UQCRC2: variants seen among roughly 807,000 people sequenced by gnomAD.
The protein encoded by UQCRC2 is cytochrome b-c1 complex subunit 2, mitochondrial.
In UQCRC2, 49 loss-of-function variants were observed where a neutral mutation model predicts 55.6. The ratio of observed to expected loss-of-function variants is 0.88; its 90% confidence interval spans 0.70 to 1.12. The LOEUF is 1.12. Ranked by LOEUF, UQCRC2 falls within the 50% of genes most tolerant of loss-of-function variation. The pLI is 0.00. For missense variants in UQCRC2, 506 were observed against 547.8 expected, an observed-to-expected ratio of 0.92 and a Z score of 0.76; for synonymous variants, 193 against 192.0, an observed-to-expected ratio of 1.01 and a Z score of -0.04.
chr16:21,980,234 G>A, intron 12 of UQCRC2: 1 of 267,010 alleles, frequency 3.7e-6, no homozygotes, highest in Non-Finnish European at 7.3e-6. Flanking sequence ...AGAGGCCTTG[G>A]GAAGCATTAG....
intron 7 of UQCRC2, 24 bp downstream of exon 7, chr16:21,965,529 A>G: frequency 6.6e-7 from 1 of 1,516,082 alleles, no homozygotes. Flanking sequence ...ATATTTTGAA[A>G]TGTGCTTGTT....
chr16:21,980,894 C>T (rs1176842579), intron 13 of UQCRC2, among the ~76,000 whole-genome samples, 194 bp downstream of exon 13: 1 of 152,108 alleles, frequency 6.6e-6, no homozygotes, highest in East Asian at 1.9e-4. Context: ...GTATATGTAT[C>T]TTCCTCCTTC....
rs530659937 is a variant in UQCRC2 at position 21,983,208 on chromosome 16, C to T, written c.*37C>T. ...ACATTACAGGAGAGAGCTGAACGTT[C>T]TCTCAGCCCAGAGCAGCAAACACAT... On this transcript the variant is annotated 3_prime_UTR_variant, in exon 14 of 14. Coordinates refer to ENST00000268379, the MANE Select transcript of UQCRC2 (RefSeq NM_003366.4). 271 of 1,581,044 alleles carry T rather than the reference C, an allele frequency of 1.7e-4. 4 individuals carry two copies. The South Asian group carries it at 2.9e-3, about 17-fold the overall frequency.
At chr16:21,982,194 G>T (rs117005983) in intron 13 of UQCRC2, among the ~76,000 whole-genome samples, 3 of 151,820 alleles carry the variant, frequency 2.0e-5, no homozygotes, top group African/African-American at 7.3e-5. Context: ...CATTATGTGC[G>T]TCCCAACCCG....
chr16:21,982,963 C>CAAA (rs1036084484), intron 13 of UQCRC2, 125 bp from the exon 14 acceptor site: 170 of 537,346 alleles, frequency 3.2e-4, no homozygotes, highest in African/African-American at 7.8e-4. Context: ...GACTCCACCT[C>CAAA]AAAAAAAAAA....
chr16:21,971,414 T>C (rs1388058939), intron 8 of UQCRC2, 111 bp from the exon 9 acceptor site: 20 of 858,030 alleles, frequency 2.3e-5, no homozygotes, highest in East Asian at 2.6e-5. Flanking sequence ...CTCTTATTTA[T>C]TTTGTAGTGT....
intron 8 of UQCRC2, among the ~76,000 whole-genome samples, chr16:21,970,907 C>G (rs1898443770): frequency 6.6e-6 from 1 of 151,946 alleles, no homozygotes; most frequent in Non-Finnish European, 1.5e-5. Context: ...AATGTCTATT[C>G]AAGTCTTTGC....
At chr16:21,961,949 G>A (rs1013246799) in intron 4 of UQCRC2, among the ~76,000 whole-genome samples, 3 of 151,732 alleles carry the variant, frequency 2.0e-5, no homozygotes, top group Non-Finnish European at 2.9e-5. Context: ...CACTGCGCCC[G>A]GCCCAAATTT....
intron 12 of UQCRC2, among the ~76,000 whole-genome samples, chr16:21,977,448 A>G (rs1475562817): frequency 6.6e-6 from 1 of 152,208 alleles, no homozygotes; most frequent in African/African-American, 2.4e-5. Flanking sequence ...CTATTCTACA[A>G]TAGTTTCTTT....
intron 13 of UQCRC2, among the ~76,000 whole-genome samples, chr16:21,982,822 G>T (rs1339753307): frequency 6.6e-6 from 1 of 152,006 alleles, no homozygotes; most frequent in Non-Finnish European, 1.5e-5. Context: ...AAAATTAGCT[G>T]GGCATAGTGA....
At position 21,983,274 on chromosome 16, in the gene UQCRC2, A is replaced by G. The variant is rs1015854970; in HGVS notation, c.*103A>G. 3 of 1,050,830 alleles carry G rather than the reference A, an allele frequency of 2.9e-6. No homozygotes were observed. Among genetic ancestry groups the G allele is most frequent in the African/African-American group, 3.3e-5 (2 of 61,210 alleles). The allele number at this position is 1,050,830 out of a possible 1,614,324, so 65.1% of individuals were successfully genotyped here. A position where few individuals can be genotyped will look rare whatever the true frequency, so the allele number is the denominator to read the frequency against. ...CTAATATATCATTTGTCTTTTTTCC[A>G]GTGAGGTAAAATAAGGCATAAATGC... On this transcript the variant is annotated 3_prime_UTR_variant, in exon 14 of 14. Coordinates refer to ENST00000268379, the MANE Select transcript of UQCRC2 (RefSeq NM_003366.4).
intron 13 of UQCRC2, 24 bp downstream of exon 13, chr16:21,980,724 T>A (rs1167827001): frequency 6.2e-7 from 1 of 1,612,172 alleles, no homozygotes; most frequent in Non-Finnish European, 8.5e-7. Flanking sequence ...AACTTAACGA[T>A]TTAACAACAG....
chr16:21,956,196 C>T (rs1235574013), intron 1 of UQCRC2, among the ~76,000 whole-genome samples: 3 of 152,110 alleles, frequency 2.0e-5, no homozygotes, highest in Non-Finnish European at 2.9e-5. Flanking sequence ...TTAGACTGAA[C>T]GGATGACATT....
intron 13 of UQCRC2, among the ~76,000 whole-genome samples, chr16:21,981,656 A>G (rs1326047989): frequency 2.6e-5 from 4 of 151,444 alleles, no homozygotes; most frequent in African/African-American, 4.8e-5. Flanking sequence ...TCAGGAGCTC[A>G]TGGGGCTGAG....
intron 11 of UQCRC2, among the ~76,000 whole-genome samples, chr16:21,975,782 T>C (rs935395096): frequency 1.3e-5 from 2 of 152,150 alleles, no homozygotes; most frequent in Non-Finnish European, 2.9e-5. Context: ...GCTTATTCTT[T>C]ATGGGTGATT....
intron 7 of UQCRC2, among the ~76,000 whole-genome samples, chr16:21,966,278 C>G (rs959709211): frequency 6.6e-6 from 1 of 152,148 alleles, no homozygotes; most frequent in Non-Finnish European, 1.5e-5. Context: ...CCTGTTCCAT[C>G]CTCGCTCACT....
chr16:21,981,397 G>C (rs1004334387), intron 13 of UQCRC2, among the ~76,000 whole-genome samples: 3 of 152,086 alleles, frequency 2.0e-5, no homozygotes, highest in South Asian at 4.1e-4. Context: ...TTCTACTGTA[G>C]ATGTCTCGGC....
chr16:21,958,185 G>A (rs28573700), intron 3 of UQCRC2, among the ~76,000 whole-genome samples: 1 of 152,102 alleles, frequency 6.6e-6, no homozygotes, highest in Non-Finnish European at 1.5e-5. Context: ...GTATCCATAT[G>A]AATGTTGATG....
intron 7 of UQCRC2, 156 bp from the exon 8 acceptor site, chr16:21,968,472 C>G (rs1353169044): frequency 6.0e-6 from 3 of 500,796 alleles, no homozygotes; most frequent in Non-Finnish European, 1.0e-5. Flanking sequence ...ATAATAAAAT[C>G]CCAGGGTAAT....
Sources: gnomAD v4.1 joint callset for allele counts (sites outside exome capture counted in the v4.1 genomes callset) on GRCh38, gnomAD v4.1.1 for gene constraint, MANE v1.5 for transcripts, NCBI Gene and HGNC (gene_info 2026-07-23, HGNC 2026-07-21) for gene names.